CCSER1: variants seen among roughly 807,000 people sequenced by gnomAD.
CCSER1 encodes the protein serine-rich coiled-coil domain-containing protein 1.
Under a neutral mutation model 82.0 loss-of-function variants are expected in CCSER1, and 41 were observed. That is an observed-to-expected ratio of 0.50 (90% CI 0.39 to 0.65). The LOEUF (loss-of-function observed/expected upper bound fraction) is 0.65, where lower values mean the gene tolerates loss of function less well. CCSER1 is among the 30% of genes least tolerant of loss of function. CCSER1 has a pLI of 0.00. For synonymous variants in CCSER1, 414 were observed against 383.9 expected (o/e 1.08, Z -0.92); for missense variants, 1,119 against 1,064.2 (o/e 1.05, Z -0.72).
At chr4:90,307,066 G>A (rs986656907) in intron 1 of CCSER1, among the ~76,000 whole-genome samples, 20 of 152,160 alleles carry the variant, frequency 1.3e-4, no homozygotes, top group African/African-American at 4.6e-4. Flanking sequence ...TTTACCAGGT[G>A]TTGGCTGAAT....
At chr4:90,198,591 A>G (rs183223448) in intron 1 of CCSER1, among the ~76,000 whole-genome samples, 2 of 152,246 alleles carry the variant, frequency 1.3e-5, no homozygotes, top group Non-Finnish European at 2.9e-5. Flanking sequence ...CATCTTGGTG[A>G]ATTTCAACTC....
At chr4:90,675,334 T>C (rs967867773) in intron 6 of CCSER1, among the ~76,000 whole-genome samples, 32 of 151,986 alleles carry the variant, frequency 2.1e-4, no homozygotes, top group Admixed American at 2.0e-3. Context: ...TTTAATCACA[T>C]GTAGAGAGTG....
intron 7 of CCSER1, among the ~76,000 whole-genome samples, chr4:90,745,576 A>G (rs1747280024): frequency 6.7e-6 from 1 of 149,238 alleles, no homozygotes; most frequent in Non-Finnish European, 1.5e-5. Context: ...TTGTGTAAGT[A>G]TTTGCAATGC....
intron 6 of CCSER1, among the ~76,000 whole-genome samples, chr4:90,700,103 C>A (rs1280531207): frequency 6.6e-6 from 1 of 151,894 alleles, no homozygotes; most frequent in African/African-American, 2.4e-5. Context: ...TCGTCATTTA[C>A]ATTAGGTATA....
At chr4:90,407,923 G>T (rs1464544276) in intron 4 of CCSER1, among the ~76,000 whole-genome samples, 1 of 152,134 alleles carries the variant, frequency 6.6e-6, no homozygotes, top group Non-Finnish European at 1.5e-5. Flanking sequence ...GGAAAATCGG[G>T]TCACTCCTAC....
chr4:91,183,549 A>T (rs1343408093), intron 10 of CCSER1, among the ~76,000 whole-genome samples: 2 of 152,106 alleles, frequency 1.3e-5, no homozygotes, highest in Non-Finnish European at 2.9e-5. Context: ...AGGGACAATA[A>T]TTTTTCCAGG....
rs1236171910 is a variant in CCSER1, at chr4:90,194,529, AATTAT to A, written c.-42+66703_-42+66707del. On this transcript the variant is annotated intron_variant, in intron 1 of 10. Coordinates refer to ENST00000509176, the MANE Select transcript of CCSER1 (RefSeq NM_001145065.2). Reference sequence around the variant, plus strand: ...CCTGCTTTAAAACATATGATTCTTTAATTATATTAGAACATTTAAAGTCTGAATAT... The same window carrying A: ...CCTGCTTTAAAACATATGATTCTTTAATTAGAACATTTAAAGTCTGAATAT... Among the ~76,000 whole-genome samples, 10 of 152,126 alleles carry A rather than the reference AATTAT, an allele frequency of 6.6e-5. 1 individual carries two copies. The highest frequency in any genetic ancestry group is 2.2e-4 in the African/African-American group (9 of 41,546).
chr4:90,900,894 C>G (rs1184618184), intron 8 of CCSER1, among the ~76,000 whole-genome samples: 1 of 151,782 alleles, frequency 6.6e-6, no homozygotes, highest in Non-Finnish European at 1.5e-5. Context: ...TGGGGTGTTG[C>G]AGTTCCCCAC....
intron 1 of CCSER1, among the ~76,000 whole-genome samples, chr4:90,275,154 A>G (rs750380072): frequency 5.3e-5 from 8 of 152,164 alleles, no homozygotes; most frequent in Non-Finnish European, 1.2e-4. Context: ...CTTTATAAGT[A>G]GCCAGAACAT....
chr4:91,387,413 C>T lies in CCSER1; in HGVS notation c.2218-211159C>T, dbSNP rs1052424262. On this transcript the variant is annotated intron_variant, in intron 10 of 10. Coordinates refer to ENST00000509176, the MANE Select transcript of CCSER1 (RefSeq NM_001145065.2). ...AGTCCCTGAAATCTTAATAAGGAGA[C>T]AATTTAACTGTAAAATACTTAGGAC... 4.6e-5 allele frequency among the ~76,000 whole-genome samples: 7 copies of T among 151,794 alleles called. No individual in the cohort carries two copies. The East Asian group carries it at 1.2e-3, about 25-fold the overall frequency.
chr4:91,504,528 C>T (rs997795608), intron 10 of CCSER1, among the ~76,000 whole-genome samples: 14 of 151,984 alleles, frequency 9.2e-5, no homozygotes, highest in African/African-American at 2.9e-4. Flanking sequence ...TGTAGATGAA[C>T]AATATTATAG....
intron 1 of CCSER1, among the ~76,000 whole-genome samples, chr4:90,135,339 C>G (rs373863729): frequency 2.0e-5 from 3 of 151,968 alleles, no homozygotes; most frequent in Non-Finnish European, 2.9e-5. Context: ...CAAGACCCCC[C>G]CTTTGAAAAA....
rs753973015 is a variant in CCSER1, at chr4:91,593,467, CTTTTTTTT to C, written c.2218-5086_2218-5079del. 7.3e-5 allele frequency among the ~76,000 whole-genome samples: 4 copies of C among 55,044 alleles called. No individual in the cohort carries two copies. In the South Asian group the frequency reaches 2.1e-3, roughly 29 times the overall value. The allele number at this position is 55,044 out of a possible 152,430, so 36.1% of individuals were successfully genotyped here. On this transcript the variant is annotated intron_variant, in intron 10 of 10. Transcript: ENST00000509176. ...TAACTGTCTTGTTTTCAACCCCGTG[CTTTTTTTT>C]TTTTTTTTTTTTTTTTTTAGTACAG...
chr4:90,209,529 G>A (rs1018468650), intron 1 of CCSER1, among the ~76,000 whole-genome samples: 2 of 152,238 alleles, frequency 1.3e-5, no homozygotes, highest in East Asian at 1.9e-4. Flanking sequence ...CACTACCAGA[G>A]GGGCCCATGA....
intron 10 of CCSER1, among the ~76,000 whole-genome samples, chr4:91,529,085 C>G (rs187289146): frequency 6.6e-6 from 1 of 152,036 alleles, no homozygotes; most frequent in Non-Finnish European, 1.5e-5. Context: ...AGGTTTTGAT[C>G]AAATCATTCC....
intron 10 of CCSER1, among the ~76,000 whole-genome samples, chr4:91,301,318 A>G (rs530375041): frequency 6.6e-6 from 1 of 151,928 alleles, no homozygotes; most frequent in African/African-American, 2.4e-5. Flanking sequence ...TTCTGAATTT[A>G]TAATCATAAC....
chr4:90,673,982 C>G (rs989622720), intron 6 of CCSER1, among the ~76,000 whole-genome samples: 1 of 151,882 alleles, frequency 6.6e-6, no homozygotes, highest in African/African-American at 2.4e-5. Flanking sequence ...GAGTTAGGTC[C>G]TACCTTCCCA....
chr4:90,282,629 C>T (rs1729082429), intron 1 of CCSER1, among the ~76,000 whole-genome samples: 1 of 151,862 alleles, frequency 6.6e-6, no homozygotes, highest in South Asian at 2.1e-4. Flanking sequence ...GTTTCAGATG[C>T]TGCTCATCTC....
intron 10 of CCSER1, among the ~76,000 whole-genome samples, chr4:91,469,300 T>C (rs1370846079): frequency 2.0e-5 from 3 of 152,190 alleles, no homozygotes; most frequent in Non-Finnish European, 4.4e-5. Context: ...AGACATGAAG[T>C]GCTTTAAGAA....
Sources: gnomAD v4.1 joint callset for allele counts (sites outside exome capture counted in the v4.1 genomes callset) on GRCh38, gnomAD v4.1.1 for gene constraint, MANE v1.5 for transcripts, NCBI Gene and HGNC (gene_info 2026-07-23, HGNC 2026-07-21) for gene names.